The following DEFB135 variants were observed in gnomAD, a reference collection of about 807,000 sequenced individuals.
DEFB135 encodes beta-defensin 135.
In DEFB135, 14 loss-of-function variants were observed where a neutral mutation model predicts 8.9. The ratio of observed to expected loss-of-function variants is 1.58; its 90% confidence interval spans 1.04 to 2.47. The LOEUF is 2.47. Ranked by LOEUF, DEFB135 falls within the 30% of genes most tolerant of loss-of-function variation. The pLI, the probability that DEFB135 is intolerant of heterozygous loss-of-function variation, is 0.00. For missense variants in DEFB135, 135 were observed against 94.2 expected (o/e 1.43, Z -1.79); for synonymous variants, 51 against 34.5 (o/e 1.48, Z -1.67).
Position 11,982,486 on chromosome 8 carries a change from C to T in DEFB135, c.64+102C>T, listed in dbSNP as rs1799754111. The T allele has an allele frequency of 3.0e-6, 4 of 1,336,126 alleles. No homozygotes were observed. The East Asian group carries it at 7.0e-5, about 23-fold the overall frequency. 82.8% of individuals were successfully genotyped at this position (1,336,126 alleles called of 1,614,324 possible). On this transcript the variant is annotated intron_variant, in intron 1 of 1. Coordinates refer to ENST00000382208, the MANE Select transcript of DEFB135 (RefSeq NM_001033017.3). Reference sequence around the variant, plus strand: ...AAAGGCAGGACTTGGACAAAGGAAGCTGCAACAGGGAGGAAAGTGAGCAGA... The same window carrying T: ...AAAGGCAGGACTTGGACAAAGGAAGTTGCAACAGGGAGGAAAGTGAGCAGA...
intron 1 of DEFB135, among the ~76,000 whole-genome samples, chr8:11,982,951 T>C (rs1799766049): frequency 6.6e-6 from 1 of 152,200 alleles, no homozygotes; most frequent in African/African-American, 2.4e-5. Context: ...TTGGTGATAA[T>C]GAGAAGAGTC....
chr8:11,984,232 T>C (rs532697035), intron 1 of DEFB135, among the ~76,000 whole-genome samples, 189 bp from the exon 2 acceptor site: 6 of 152,296 alleles, frequency 3.9e-5, no homozygotes, highest in Non-Finnish European at 5.9e-5. Context: ...TGGCTTATAA[T>C]AGGGCCCCTG....
intron 1 of DEFB135, among the ~76,000 whole-genome samples, chr8:11,982,850 A>G (rs1279602737): frequency 6.6e-6 from 1 of 152,184 alleles, no homozygotes; most frequent in Non-Finnish European, 1.5e-5. Flanking sequence ...GCTGGTTAAG[A>G]TGTATTACAC....
chr8:11,983,264 A>G (rs1009615927), intron 1 of DEFB135, among the ~76,000 whole-genome samples: 5 of 152,096 alleles, frequency 3.3e-5, no homozygotes, highest in African/African-American at 1.2e-4. Context: ...ATGGTGGCGC[A>G]TGCCTGTCCC....
rs368712206 is a variant in DEFB135 at position 11,982,288 on chromosome 8, C to T, written c.-33C>T. 1.8e-4 allele frequency: 298 copies of T among 1,613,286 alleles called. No homozygotes were observed. Among genetic ancestry groups the T allele is most frequent in the South Asian group, 1.8e-4 (16 of 91,054 alleles). Reference sequence around the variant, plus strand: ...CAAAGCTGCGGAGAGAGTGACTCTCCGATGAGTCACAGCTGCTTCTTTGCT... The same window carrying T: ...CAAAGCTGCGGAGAGAGTGACTCTCTGATGAGTCACAGCTGCTTCTTTGCT... On this transcript the variant is annotated 5_prime_UTR_variant, in exon 1 of 2. Coordinates refer to ENST00000382208, the MANE Select transcript of DEFB135 (RefSeq NM_001033017.3).
At chr8:11,982,713 G>C (rs1365044199) in intron 1 of DEFB135, among the ~76,000 whole-genome samples, 15 of 152,218 alleles carry the variant, frequency 9.9e-5, no homozygotes, top group Non-Finnish European at 2.9e-5. Flanking sequence ...GCGAGGACTT[G>C]GGGATGAGAA....
Position 11,984,520 on chromosome 8 carries a change from G to C in DEFB135, c.164G>C (p.Arg55Pro). ...AAATGTCTAAAAAACGAACAATATC[G>C]TATTTTGTGTGATACTATACATTTG... ...RPKCLKNEQY[R>P]ILCDTIHLCC... is the part of the protein sequence containing the mutation. The change falls in exon 2 of 2, where the codon CGT becomes CCT. Residue 55 changes from arginine (R) to proline (P), a missense_variant. Transcript: ENST00000382208. 1 of 1,584,984 alleles carries C rather than the reference G, an allele frequency of 6.3e-7. No homozygotes were observed. Among genetic ancestry groups the C allele is most frequent in the Non-Finnish European group, 8.6e-7 (1 of 1,157,958 alleles).
At chr8:11,982,525 G>A in intron 1 of DEFB135, 141 bp downstream of exon 1, 1 of 844,810 alleles carries the variant, frequency 1.2e-6, no homozygotes, top group Non-Finnish European at 1.9e-6. Flanking sequence ...GGACATGCTG[G>A]GCTGGTCCAG....
rs1799817949 is a variant in DEFB135 at position 11,984,577 on chromosome 8, T to C, written c.221T>C (p.Leu74Pro). The change falls in exon 2 of 2, where the codon CTG (leucine) becomes CCG (proline). Residue 74 changes from leucine to proline, a missense_variant. Leu to Pro is a moderately conservative substitution (Grantham distance 98). Transcript: ENST00000382208. Reference protein sequence around the residue: ...CCVNPKYLPILTGK With the variant: ...CCVNPKYLPIPTGK Reference sequence around the variant, plus strand: ...GTAAACCCAAAATATTTACCTATACTGACTGGGAAATAGTTGTGAGTACCT... The same window carrying C: ...GTAAACCCAAAATATTTACCTATACCGACTGGGAAATAGTTGTGAGTACCT... The C allele has an allele frequency of 6.6e-7, 1 of 1,504,274 alleles. No homozygotes were observed. The highest frequency in any genetic ancestry group is 1.3e-5 in the South Asian group (1 of 74,934). The allele number at this position is 1,504,274 out of a possible 1,614,324, so 93.2% of individuals were successfully genotyped here.
chr8:11,982,438 G>T, intron 1 of DEFB135, 54 bp downstream of exon 1: 2 of 1,600,522 alleles, frequency 1.2e-6, no homozygotes, highest in Non-Finnish European at 1.7e-6. Context: ...GAAAAAAGGT[G>T]TGAGGTTCTA....
intron 1 of DEFB135, 54 bp downstream of exon 1, chr8:11,982,438 GT>G: frequency 6.2e-7 from 1 of 1,600,522 alleles, no homozygotes; most frequent in Non-Finnish European, 8.6e-7. Flanking sequence ...GAAAAAAGGT[GT>G]GAGGTTCTAC....
chr8:11,982,475 G>A, intron 1 of DEFB135, 91 bp downstream of exon 1: 1 of 1,451,808 alleles, frequency 6.9e-7, no homozygotes, highest in Non-Finnish European at 9.6e-7. Context: ...GCAGGACTTG[G>A]ACAAAGGAAG....
At chr8:11,984,092 AG>A (rs1286883712) in intron 1 of DEFB135, among the ~76,000 whole-genome samples, 1 of 152,142 alleles carries the variant, frequency 6.6e-6, no homozygotes, top group Non-Finnish European at 1.5e-5. Context: ...GGACCTCTGC[AG>A]GCTCCTGGGA....
chr8:11,984,427 G>A lies in DEFB135; in HGVS notation c.71G>A (p.Ser24Asn), dbSNP rs898436075. 1.3e-6 allele frequency: 2 copies of A among 1,545,714 alleles called. No individual in the cohort carries two copies. Among genetic ancestry groups the A allele is most frequent in the African/African-American group, 1.4e-5 (1 of 73,490 alleles). Residue 24 changes from serine (S) to asparagine (N), a missense_variant, in exon 2 of 2, where the codon AGT (serine) becomes AAT (asparagine). Coordinates refer to ENST00000382208, the MANE Select transcript of DEFB135 (RefSeq NM_001033017.3). ...NLLFYVPPGRSGPNVYIQKIF... is the reference protein window; with the variant it reads ...NLLFYVPPGRNGPNVYIQKIF... ...CCTTTGTTTCTCTTGGCAGGTAGAA[G>A]TGGACCCAATGTCTACATACAAAAA...
intron 1 of DEFB135, among the ~76,000 whole-genome samples, chr8:11,983,119 C>T (rs950698186): frequency 1.3e-5 from 2 of 152,144 alleles, no homozygotes; most frequent in Admixed American, 6.5e-5. Flanking sequence ...TGAGGCTGGG[C>T]GCGGTGGCTC....
chr8:11,983,499 G>C (rs1799783311), intron 1 of DEFB135, among the ~76,000 whole-genome samples: 1 of 152,228 alleles, frequency 6.6e-6, no homozygotes, highest in Admixed American at 6.5e-5. Flanking sequence ...ACTTTGCAGT[G>C]TGTCTCTACT....
intron 1 of DEFB135, among the ~76,000 whole-genome samples, chr8:11,983,055 ATATATAAAGCG>A (rs1799772146): frequency 6.6e-6 from 1 of 152,200 alleles, no homozygotes; most frequent in Non-Finnish European, 1.5e-5. Context: ...TCAAACCTTC[ATATATAAAGCG>A]TATCACTCAA....
chr8:11,982,442 G>C, intron 1 of DEFB135, 58 bp downstream of exon 1: 2 of 1,594,680 alleles, frequency 1.3e-6, no homozygotes, highest in East Asian at 2.2e-5. Flanking sequence ...AAAGGTGTGA[G>C]GTTCTACAAG....
chr8:11,983,022 G>T (rs145266328), intron 1 of DEFB135, among the ~76,000 whole-genome samples: 2 of 152,326 alleles, frequency 1.3e-5, no homozygotes, highest in African/African-American at 4.8e-5. Flanking sequence ...TCTGGGGTCA[G>T]CAGAGAGCCC....
Sources: allele counts gnomAD v4.1 joint callset (sites outside exome capture counted in the v4.1 genomes callset), GRCh38; gene constraint gnomAD v4.1.1; transcripts MANE v1.5; gene names NCBI Gene and HGNC (gene_info 2026-07-23, HGNC 2026-07-21).